The following TMEM14B variants were observed in gnomAD, a reference collection of about 807,000 sequenced individuals.
The protein encoded by TMEM14B is transmembrane protein 14B.
TMEM14B carries 9 observed loss-of-function variants against 14.8 expected under a neutral mutation model. The observed-to-expected ratio is 0.61, with a 90% CI of 0.37 to 1.06. The LOEUF (loss-of-function observed/expected upper bound fraction) is 1.06, where lower values mean the gene tolerates loss of function less well. TMEM14B is among the 50% of genes least tolerant of loss of function. The pLI, the probability that TMEM14B is intolerant of heterozygous loss-of-function variation, is 0.01. For missense variants in TMEM14B, 128 were observed against 143.6 expected (o/e 0.89, Z 0.56); for synonymous variants, 40 against 51.3 (o/e 0.78, Z 0.94).
intron 3 of TMEM14B, chr6:10,749,909 A>T: frequency 3.2e-6 from 2 of 625,850 alleles, no homozygotes; most frequent in Non-Finnish European, 5.7e-6. Flanking sequence ...GGAATTACTT[A>T]TTTTTGCCTC....
chr6:10,752,995 G>T (rs2127495667), intron 4 of TMEM14B: 1 of 152,206 alleles, frequency 6.6e-6, no homozygotes, highest in African/African-American at 2.4e-5. Context: ...CAGCACTTTG[G>T]GAGACCGAGG....
In TMEM14B at chr6:10,753,847, C is replaced by A. The variant is rs1436277096; in HGVS notation, c.203-1295C>A. 2.6e-3 allele frequency among the ~76,000 whole-genome samples: 388 copies of A among 151,946 alleles called. 3 individuals are homozygous for A. The highest frequency in any genetic ancestry group is 8.6e-3 in the African/African-American group (353 of 41,218). ...GTTGTCCTCTTTTTCATCTGCACAG[C>A]CATCGTCCTAGTCCCAGTTATCCCC... On this transcript the variant is annotated intron_variant, in intron 4 of 5. Transcript: ENST00000379542.
downstream of TMEM14B, among the ~76,000 whole-genome samples, chr6:10,757,185 A>G (rs1771836431): frequency 6.6e-6 from 1 of 152,166 alleles, no homozygotes; most frequent in East Asian, 1.9e-4. Context: ...TTGTTTTTTA[A>G]GAGACAGGGT....
rs1457584202 is a variant in TMEM14B, at chr6:10,756,829, T to C, written c.*311T>C. 1 of 1,017,114 alleles carries C rather than the reference T, an allele frequency of 9.8e-7. No individual in the cohort carries two copies. Among genetic ancestry groups the C allele is most frequent in the Admixed American group, 5.8e-5 (1 of 17,202 alleles). The allele number at this position is 1,017,114 out of a possible 1,614,324, so 63.0% of individuals were successfully genotyped here. A position where few individuals can be genotyped will look rare whatever the true frequency, so the allele number is the denominator to read the frequency against. On this transcript the variant is annotated 3_prime_UTR_variant, in exon 6 of 6. Coordinates refer to ENST00000379542, the MANE Select transcript of TMEM14B (RefSeq NM_030969.5). ...TGTTAGGTGTTGACATTGAGAACCCTGAAACCCCATTCCCTGCTCAGAGGA... is the reference window on the plus strand; with the variant it reads ...TGTTAGGTGTTGACATTGAGAACCCCGAAACCCCATTCCCTGCTCAGAGGA...
chr6:10,755,736 C>T lies in TMEM14B; in HGVS notation c.293+504C>T, dbSNP rs372826559. On this transcript the variant is annotated intron_variant, in intron 5 of 5. Transcript: ENST00000379542. ...GTGGGAGGCCATGGCGGGCATATCACTTGAGGTCAGGAGTTTGAGACCAGC... is the reference window on the plus strand; with the variant it reads ...GTGGGAGGCCATGGCGGGCATATCATTTGAGGTCAGGAGTTTGAGACCAGC... 7.5e-6 allele frequency: 7 copies of T among 930,568 alleles called. No individual in the cohort carries two copies. The Admixed American group carries it at 2.7e-4, about 35-fold the overall frequency. 57.6% of individuals were successfully genotyped at this position (930,568 alleles called of 1,614,324 possible).
At chr6:10,752,315 C>T (rs972886414) in intron 4 of TMEM14B, among the ~76,000 whole-genome samples, 1 of 152,036 alleles carries the variant, frequency 6.6e-6, no homozygotes, top group East Asian at 1.9e-4. Flanking sequence ...TTCCTCTGGG[C>T]TTTGGGTGTC....
chr6:10,756,148 T>A (rs1771794790), intron 5 of TMEM14B, among the ~76,000 whole-genome samples: 1 of 152,196 alleles, frequency 6.6e-6, no homozygotes, highest in African/African-American at 2.4e-5. Flanking sequence ...ACTGAGAGGC[T>A]GGAGTCTACC....
intron 4 of TMEM14B, 24 bp downstream of exon 4, chr6:10,751,258 T>G: frequency 1.9e-6 from 3 of 1,612,424 alleles, no homozygotes; most frequent in African/African-American, 1.3e-5. Context: ...AGCGTCTCCT[T>G]AGGGCAATCA....
chr6:10,757,970 G>A (rs1303643132), downstream of TMEM14B, among the ~76,000 whole-genome samples: 18 of 150,158 alleles, frequency 1.2e-4, no homozygotes, highest in African/African-American at 3.7e-4. Flanking sequence ...CAACCTGGGC[G>A]ACAGGGTGAG....
In TMEM14B at chr6:10,755,244, C is replaced by A. The variant is rs146916995; in HGVS notation, c.293+12C>A. 1.9e-3 allele frequency: 3,137 copies of A among 1,614,104 alleles called. 6 individuals are homozygous for A. The highest frequency in any genetic ancestry group is 2.3e-3 in the Non-Finnish European group (2,725 of 1,180,002). ...ATTGCAGGTGCCAGGTACTTTCATT[C>A]TATTACTCTTCTTTACCATGTAGAG... On this transcript the variant is annotated intron_variant, in intron 5 of 5. Transcript: ENST00000379542.
chr6:10,757,150 A>G (rs1771835418), downstream of TMEM14B, among the ~76,000 whole-genome samples: 1 of 151,776 alleles, frequency 6.6e-6, no homozygotes, highest in Non-Finnish European at 1.5e-5. Flanking sequence ...CTTGTTTCAA[A>G]AATGATCTCT....
rs961382617 is a variant in TMEM14B, at chr6:10,751,292, A to G, written c.202+58A>G. ...CATGTATCTGGAATATTCTTTTCCA[A>G]AAGACCCTGGTTTGGTGGGATGGAG... is the stretch of plus-strand genomic sequence containing the variant. On this transcript the variant is annotated intron_variant, in intron 4 of 5. Coordinates refer to ENST00000379542, the MANE Select transcript of TMEM14B (RefSeq NM_030969.5). 8.2e-6 allele frequency: 13 copies of G among 1,590,164 alleles called. No homozygotes were observed. The Admixed American group carries it at 1.2e-4, about 15-fold the overall frequency.
At chr6:10,750,140 C>T (rs955370958) in intron 3 of TMEM14B, 1 of 177,396 alleles carries the variant, frequency 5.6e-6, no homozygotes, top group South Asian at 1.1e-4. Flanking sequence ...CACCCCAATC[C>T]CTGCACCAGA....
chr6:10,749,389 C>T, intron 2 of TMEM14B, 121 bp downstream of exon 2: 1 of 1,320,178 alleles, frequency 7.6e-7, no homozygotes, highest in East Asian at 2.3e-5. Context: ...ATGGGAGGAT[C>T]ACTGGACCTG....
chr6:10,759,113 T>G (rs1042999496), downstream of TMEM14B: 1 of 163,366 alleles, frequency 6.1e-6, no homozygotes, highest in Non-Finnish European at 1.3e-5. Context: ...AGAGATGGGG[T>G]TTCACCATGT....
downstream of TMEM14B, chr6:10,759,291 A>G (rs1296210114): frequency 6.6e-6 from 1 of 152,148 alleles, no homozygotes; most frequent in Non-Finnish European, 1.5e-5. Flanking sequence ...CTACTGATAG[A>G]AATATGTCTT....
chr6:10,757,235 A>G (rs534339467), downstream of TMEM14B, among the ~76,000 whole-genome samples: 3 of 152,310 alleles, frequency 2.0e-5, no homozygotes, highest in Admixed American at 2.0e-4. Flanking sequence ...TGGTACAATC[A>G]TATCTCACTG....
intron 1 of TMEM14B, 150 bp from the exon 2 acceptor site, chr6:10,749,052 A>T (rs1771445841): frequency 1.8e-6 from 1 of 567,938 alleles, no homozygotes; most frequent in African/African-American, 1.8e-5. Context: ...TGCTCACAAC[A>T]CCCCCAGGAA....
chr6:10,759,668 C>T (rs948656362), downstream of TMEM14B: 10 of 152,168 alleles, frequency 6.6e-5, no homozygotes, highest in African/African-American at 1.9e-4. Flanking sequence ...CTTCTCAGGC[C>T]ATCTGTGTCC....
Sources: allele counts gnomAD v4.1 joint callset (sites outside exome capture counted in the v4.1 genomes callset), GRCh38; gene constraint gnomAD v4.1.1; transcripts MANE v1.5; gene names NCBI Gene and HGNC (gene_info 2026-07-23, HGNC 2026-07-21).